The following ERBB4 variants were observed in gnomAD, a reference collection of about 807,000 sequenced individuals.
The protein encoded by ERBB4 is receptor tyrosine-protein kinase erbB-4.
ERBB4 carries 42 observed loss-of-function variants against 158.0 expected under a neutral mutation model. The observed-to-expected ratio is 0.27, with a 90% CI of 0.21 to 0.34. ERBB4 has a LOEUF of 0.34. Ranked by LOEUF, ERBB4 falls within the 10% of genes least tolerant of loss-of-function variation. The pLI, the probability that ERBB4 is intolerant of heterozygous loss-of-function variation, is 1.00. For missense variants in ERBB4, 1,333 were observed against 1,624.1 expected (o/e 0.82, Z 3.08); for synonymous variants, 583 against 558.7 (o/e 1.04, Z -0.61).
intron 2 of ERBB4, among the ~76,000 whole-genome samples, chr2:211,990,486 T>C (rs183206027): frequency 6.6e-6 from 1 of 151,690 alleles, no homozygotes; most frequent in East Asian, 1.9e-4. Flanking sequence ...TGCATATCAT[T>C]GCACCACATT....
intron 19 of ERBB4, among the ~76,000 whole-genome samples, chr2:211,585,142 G>A (rs899787888): frequency 6.6e-6 from 1 of 152,056 alleles, no homozygotes; most frequent in African/African-American, 2.4e-5. Flanking sequence ...CACGAAGTCA[G>A]GAGATCGAGA....
intron 2 of ERBB4, among the ~76,000 whole-genome samples, chr2:211,960,955 CATAATA>C (rs760984605): frequency 1.6e-4 from 25 of 152,008 alleles, no homozygotes; most frequent in Middle Eastern, 3.4e-3. Context: ...AAATGTGTAC[CATAATA>C]ATGTAAGGTG....
In ERBB4 at chr2:211,512,188, C is replaced by T. The variant is rs529446021; in HGVS notation, c.2487+49715G>A. Among the ~76,000 whole-genome samples the T allele has an allele frequency of 7.2e-5, 11 of 152,168 alleles. No homozygotes were observed. The East Asian group carries it at 1.9e-3, about 27-fold the overall frequency. On this transcript the variant is annotated intron_variant, in intron 20 of 27. Coordinates refer to ENST00000342788, the MANE Select transcript of ERBB4 (RefSeq NM_005235.3). ...AACTGCAAGTTGAAGAACGAAAGTGCGCTCATTTATCTTCTATTTTAGGGC... is the reference window on the plus strand; with the variant it reads ...AACTGCAAGTTGAAGAACGAAAGTGTGCTCATTTATCTTCTATTTTAGGGC...
chr2:211,737,159 C>A (rs541993383), intron 5 of ERBB4, among the ~76,000 whole-genome samples: 1 of 152,278 alleles, frequency 6.6e-6, no homozygotes, highest in Admixed American at 6.5e-5. Context: ...CCAATGTCAA[C>A]TTTTGAGTCT....
intron 16 of ERBB4, among the ~76,000 whole-genome samples, chr2:211,649,592 G>T (rs964373114): frequency 2.0e-4 from 30 of 151,738 alleles, no homozygotes; most frequent in African/African-American, 6.5e-4. Context: ...AAAAAACATG[G>T]TGTTTTTCCC....
At chr2:212,161,972 C>A (rs1346540971) in intron 1 of ERBB4, among the ~76,000 whole-genome samples, 2 of 151,798 alleles carry the variant, frequency 1.3e-5, no homozygotes, top group Non-Finnish European at 2.9e-5. Flanking sequence ...GCAAGTAGCA[C>A]TGTTATATAT....
intron 1 of ERBB4, among the ~76,000 whole-genome samples, chr2:212,230,058 G>T (rs2083611116): frequency 6.6e-6 from 1 of 152,200 alleles, no homozygotes; most frequent in Non-Finnish European, 1.5e-5. Flanking sequence ...GCTGAAGCAG[G>T]CAGATAACCT....
At chr2:212,536,638 G>A (rs754192374) in intron 1 of ERBB4, among the ~76,000 whole-genome samples, 2 of 152,212 alleles carry the variant, frequency 1.3e-5, no homozygotes, top group Non-Finnish European at 2.9e-5. Flanking sequence ...ACGAGGAAGA[G>A]GACAGCTGCA....
intron 15 of ERBB4, among the ~76,000 whole-genome samples, chr2:211,660,282 C>T (rs1164773379): frequency 6.6e-6 from 1 of 152,164 alleles, no homozygotes; most frequent in African/African-American, 2.4e-5. Context: ...GCCAGGCCGA[C>T]TCATTTGGCA....
At chr2:211,722,327 A>C in intron 7 of ERBB4, 66 bp downstream of exon 7, 1 of 1,291,546 alleles carries the variant, frequency 7.7e-7, no homozygotes, top group South Asian at 1.2e-5. Flanking sequence ...AAATAAACTT[A>C]CATAAAATTC....
intron 19 of ERBB4, among the ~76,000 whole-genome samples, chr2:211,575,940 C>T (rs1455054529): frequency 6.6e-6 from 1 of 151,850 alleles, no homozygotes; most frequent in Non-Finnish European, 1.5e-5. Context: ...AACTTATTAC[C>T]ATCATATATT....
intron 25 of ERBB4, among the ~76,000 whole-genome samples, chr2:211,396,334 T>C (rs571473153): frequency 7.2e-5 from 11 of 152,284 alleles, no homozygotes; most frequent in East Asian, 3.9e-4. Context: ...GTTTTTCTTA[T>C]GTTTCACATG....
At chr2:212,306,330 C>T (rs1416024251) in intron 1 of ERBB4, among the ~76,000 whole-genome samples, 6 of 151,356 alleles carry the variant, frequency 4.0e-5, no homozygotes, top group Admixed American at 6.6e-5. Context: ...ACTCTATAAA[C>T]GAAAGCCTCT....
chr2:211,491,129 G>T (rs759643254), intron 20 of ERBB4, among the ~76,000 whole-genome samples: 1 of 152,034 alleles, frequency 6.6e-6, no homozygotes, highest in Non-Finnish European at 1.5e-5. Flanking sequence ...TGACATAAAA[G>T]GGAAGATTTA....
chr2:211,665,490 A>C lies in ERBB4; in HGVS notation c.1717-13T>G. 1 of 1,613,786 alleles carries C rather than the reference A, an allele frequency of 6.2e-7. No homozygotes were observed. The highest frequency in any genetic ancestry group is 1.1e-5 in the South Asian group (1 of 91,058). ...AGTTGTCAGGACCCTGAAATGTGAA[A>C]ACGAAAAAAAAAGAAAAAAGAAAAG... On this transcript the variant is annotated splice_polypyrimidine_tract_variant and intron_variant, in intron 14 of 27. Coordinates refer to ENST00000342788, the MANE Select transcript of ERBB4 (RefSeq NM_005235.3).
At chr2:211,978,513 T>G (rs2081697115) in intron 2 of ERBB4, among the ~76,000 whole-genome samples, 2 of 152,106 alleles carry the variant, frequency 1.3e-5, no homozygotes, top group Non-Finnish European at 2.9e-5. Flanking sequence ...CACTGTAGCT[T>G]CTAAGCTGAA....
At chr2:211,729,131 G>C (rs1387695106) in intron 5 of ERBB4, among the ~76,000 whole-genome samples, 1 of 151,548 alleles carries the variant, frequency 6.6e-6, no homozygotes, top group African/African-American at 2.4e-5. Context: ...TTTGAAAATA[G>C]CAACTTTTCC....
At chr2:211,597,939 A>C (rs972795801) in intron 19 of ERBB4, among the ~76,000 whole-genome samples, 8 of 152,310 alleles carry the variant, frequency 5.3e-5, no homozygotes, top group African/African-American at 1.7e-4. Flanking sequence ...ATTTTATTTC[A>C]TTAATCAAAA....
chr2:212,461,502 A>G (rs974617442), intron 1 of ERBB4, among the ~76,000 whole-genome samples: 2 of 152,074 alleles, frequency 1.3e-5, no homozygotes, highest in African/African-American at 4.8e-5. Context: ...TATATACCCA[A>G]TGTTTGTACC....
Sources: allele counts gnomAD v4.1 joint callset (sites outside exome capture counted in the v4.1 genomes callset), GRCh38; gene constraint gnomAD v4.1.1; transcripts MANE v1.5; gene names NCBI Gene and HGNC (gene_info 2026-07-23, HGNC 2026-07-21).